The following ZNF746 variants were observed in gnomAD, a reference collection of about 807,000 sequenced individuals.
ZNF746 encodes the protein zinc finger protein 746.
Under a neutral mutation model 41.0 loss-of-function variants are expected in ZNF746, and 13 were observed. The ratio of observed to expected loss-of-function variants is 0.32; its 90% CI spans 0.21 to 0.50. ZNF746 has a LOEUF of 0.50. ZNF746 is among the 20% of genes least tolerant of loss of function. The pLI, the probability that ZNF746 is intolerant of heterozygous loss-of-function variation, is 0.98. For missense variants in ZNF746, 811 were observed against 922.9 expected, an observed-to-expected ratio of 0.88 and a Z score of 1.57; for synonymous variants, 424 against 396.2, an observed-to-expected ratio of 1.07 and a Z score of -0.83.
chr7:149,475,897 G>A (rs1478740222), intron 6 of ZNF746, among the ~76,000 whole-genome samples: 1 of 152,226 alleles, frequency 6.6e-6, no homozygotes, highest in Admixed American at 6.5e-5. Context: ...ATCTGTGAAT[G>A]CCCACTTCAC....
chr7:149,491,705 C>T, intron 4 of ZNF746: 1 of 588,626 alleles, frequency 1.7e-6, no homozygotes, highest in Admixed American at 2.9e-5. Flanking sequence ...AAGTGGCGCA[C>T]AGGAGGGCCT....
At chr7:149,483,226 T>C (rs1800530843) in intron 4 of ZNF746, among the ~76,000 whole-genome samples, 1 of 152,200 alleles carries the variant, frequency 6.6e-6, no homozygotes, top group African/African-American at 2.4e-5. Flanking sequence ...TGGAACCCAA[T>C]ATTAATGAAA....
At position 149,493,997 on chromosome 7, in the gene ZNF746, A is replaced by G. The variant is rs1434298649; in HGVS notation, c.443T>C (p.Val148Ala). Residue 148 changes from valine (V) to alanine (A), a missense_variant, in exon 3 of 7, where the codon GTC becomes GCC. Around this residue, in one of 4 missense-constraint regions of ZNF746, gnomAD observed 147 missense variants for 233.4 expected, o/e 0.63. Transcript: ENST00000458143. ...TGAGTGTCAGGCCTTACCCAGGGAG[A>G]CCAGCGTCTCGTAGTTGCCCCTCAT... ...HVMRGNYETL[V>A]SLDYAISKPE... is the part of the protein sequence containing the mutation. The G allele has an allele frequency of 1.2e-6, 2 of 1,614,038 alleles. No individual in the cohort carries two copies. Among genetic ancestry groups the G allele is most frequent in the Admixed American group, 1.7e-5 (1 of 60,002 alleles).
chr7:149,485,005 A>G (rs1305846905), intron 4 of ZNF746, among the ~76,000 whole-genome samples: 1 of 152,136 alleles, frequency 6.6e-6, no homozygotes, highest in East Asian at 1.9e-4. Flanking sequence ...TCAGGGCATA[A>G]TTCTGCATAA....
rs1048041295 is a variant in ZNF746 at position 149,497,569 on chromosome 7, G to A, written c.-33C>T. 6 of 1,052,528 alleles carry A rather than the reference G, an allele frequency of 5.7e-6. No individual in the cohort carries two copies. Among genetic ancestry groups the A allele is most frequent in the Middle Eastern group, 4.4e-4 (1 of 2,280 alleles). The allele number at this position is 1,052,528 out of a possible 1,614,324, so 65.2% of individuals were successfully genotyped here. On this transcript the variant is annotated 5_prime_UTR_variant, in exon 1 of 7. Coordinates refer to ENST00000458143, the MANE Select transcript of ZNF746 (RefSeq NM_001394198.1). This position sits in a 1 kb window ranked among gnomAD's most constrained non-coding sequence, Gnocchi z 4.2. ...CGCTGTCCCGCCCGGCCCGGAGGAA[G>A]TCGTCGTCGCCGCCGCCGCGCGCGG...
chr7:149,489,492 A>G (rs1262959358), intron 4 of ZNF746: 1 of 152,322 alleles, frequency 6.6e-6, no homozygotes, highest in African/African-American at 2.4e-5. Flanking sequence ...CCAAAGCAGG[A>G]AAGTAGGCCT....
At chr7:149,495,446 C>T (rs1449142735) in intron 1 of ZNF746, among the ~76,000 whole-genome samples, 1 of 152,134 alleles carries the variant, frequency 6.6e-6, no homozygotes, top group Admixed American at 6.5e-5. Context: ...GTTCACATGG[C>T]GTATCAGTGA....
rs150973028 is a variant in ZNF746, at chr7:149,492,570, C to T, written c.565+289G>A. On this transcript the variant is annotated intron_variant, in intron 4 of 6. Transcript: ENST00000458143. Reference sequence around the variant, plus strand: ...CGTTAAGGGTCAACTATGCTCCTGCCTTCCCTCTCAGCGTTCTCCTCTCCC... The same window carrying T: ...CGTTAAGGGTCAACTATGCTCCTGCTTTCCCTCTCAGCGTTCTCCTCTCCC... 9.0e-4 allele frequency among the ~76,000 whole-genome samples: 137 copies of T among 152,316 alleles called. 2 individuals carry two copies. Among genetic ancestry groups the T allele is most frequent in the African/African-American group, 3.1e-3 (130 of 41,576 alleles).
intron 6 of ZNF746, 129 bp downstream of exon 6, chr7:149,476,793 G>C (rs1350067898): frequency 1.6e-6 from 2 of 1,262,840 alleles, no homozygotes; most frequent in African/African-American, 2.9e-5. Context: ...AGGGTCATAA[G>C]AGTGCAGACA....
chr7:149,480,122 A>C (rs1173361849), intron 4 of ZNF746, among the ~76,000 whole-genome samples: 1 of 152,222 alleles, frequency 6.6e-6, no homozygotes, highest in African/African-American at 2.4e-5. Context: ...TGAGGAACAC[A>C]CACACATTCT....
chr7:149,475,823 G>A (rs1292658440), intron 6 of ZNF746, among the ~76,000 whole-genome samples: 2 of 152,212 alleles, frequency 1.3e-5, no homozygotes, highest in South Asian at 2.1e-4. Context: ...TGCAGGGAAT[G>A]GGGGTTCAGA....
chr7:149,474,113 A>T lies in ZNF746; in HGVS notation c.*271T>A. On this transcript the variant is annotated 3_prime_UTR_variant, in exon 7 of 7. Transcript: ENST00000458143. The surrounding 1 kb of genome is among the most constrained non-coding windows in gnomAD (Gnocchi z 6.3). Reference sequence around the variant, plus strand: ...TTTTCCAGCTTTTTCCTCAAGAATTAAAAAAAAACAAAAAACAAAAAACAA... The same window carrying T: ...TTTTCCAGCTTTTTCCTCAAGAATTTAAAAAAAACAAAAAACAAAAAACAA... 2.2e-6 allele frequency: 1 copy of T among 462,368 alleles called. No homozygotes were observed. Among genetic ancestry groups the T allele is most frequent in the East Asian group, 4.0e-5 (1 of 24,912 alleles). The allele number at this position is 462,368 out of a possible 1,614,324, so 28.6% of individuals were successfully genotyped here. A position where few individuals can be genotyped will look rare whatever the true frequency, so the allele number is the denominator to read the frequency against.
rs1156311487 is a variant in ZNF746, at chr7:149,497,604, G to A, written c.-68C>T. On this transcript the variant is annotated 5_prime_UTR_variant, in exon 1 of 7. Transcript: ENST00000458143. The surrounding 1 kb of genome is among the most constrained non-coding windows in gnomAD (Gnocchi z 4.2). ...CCGCCGCCGCGCGCGGCACCACGCA[G>A]GCCCGGCCGCCCGGTGCTCTCCGCA... is the stretch of plus-strand genomic sequence containing the variant. 1.1e-5 allele frequency: 11 copies of A among 1,020,752 alleles called. No homozygotes were observed. In the East Asian group the frequency reaches 4.6e-4, roughly 43 times the overall value. The allele number at this position is 1,020,752 out of a possible 1,614,324, so 63.2% of individuals were successfully genotyped here.
intron 4 of ZNF746, among the ~76,000 whole-genome samples, chr7:149,485,151 TAAAAAA>T: frequency 7.4e-6 from 1 of 135,986 alleles, no homozygotes; most frequent in Middle Eastern, 3.7e-3. Flanking sequence ...AAAAGTGATT[TAAAAAA>T]AAAAAAAAAA....
intron 4 of ZNF746, among the ~76,000 whole-genome samples, chr7:149,485,048 A>G (rs780243210): frequency 5.3e-5 from 8 of 151,978 alleles, no homozygotes; most frequent in Non-Finnish European, 1.2e-4. Flanking sequence ...CTCTTGTGAT[A>G]GGAGAAAAAG....
intron 1 of ZNF746, among the ~76,000 whole-genome samples, chr7:149,496,632 G>C (rs1029626680): frequency 1.3e-5 from 2 of 152,044 alleles, no homozygotes; most frequent in African/African-American, 4.8e-5. Flanking sequence ...CTCCCTCCCT[G>C]AAAGCACCAC....
In ZNF746 at chr7:149,477,706, C is replaced by G. The variant is rs1438276637; in HGVS notation, c.615G>C (p.Gln205His). The G allele has an allele frequency of 3.7e-6, 6 of 1,613,660 alleles. No individual in the cohort carries two copies. The highest frequency in any genetic ancestry group is 5.1e-6 in the Non-Finnish European group (6 of 1,179,750). Residue 205 changes from glutamine to histidine, a missense_variant, in exon 5 of 7, where the codon CAG becomes CAC. Transcript: ENST00000458143. The part of the protein sequence containing the change: ...PAPDLLMQIK[Q>H]EGELQLQEQQ... The stretch of plus-strand genomic sequence containing the variant: ...GCTCCTGGAGCTGGAGCTCACCCTC[C>G]TGCTTGATCTGCATCAAGAGGTCTG...
chr7:149,477,413 G>C, intron 5 of ZNF746, 151 bp downstream of exon 5: 1 of 909,076 alleles, frequency 1.1e-6, no homozygotes, highest in Non-Finnish European at 1.6e-6. Flanking sequence ...AAGTCCTTTA[G>C]TACAGTCCTA....
In ZNF746 at chr7:149,477,730, T is replaced by A; in HGVS notation, c.591A>T (p.Pro197=). Reference sequence around the variant, plus strand: ...CCTGCTTGATCTGCATCAAGAGGTCTGGGGCGGGAACTGGGGGCCCCGAGC... The same window carrying A: ...CCTGCTTGATCTGCATCAAGAGGTCAGGGGCGGGAACTGGGGGCCCCGAGC... ...SPGSGPPVPA[P]DLLMQIKQEG... Residue 197 remains proline, a synonymous_variant, in exon 5 of 7, where the codon CCA becomes CCT. Transcript: ENST00000458143. The A allele has an allele frequency of 6.2e-7, 1 of 1,609,526 alleles. No individual in the cohort carries two copies. The highest frequency in any genetic ancestry group is 8.5e-7 in the Non-Finnish European group (1 of 1,176,794).
Sources: allele counts gnomAD v4.1 joint callset (sites outside exome capture counted in the v4.1 genomes callset), GRCh38; gene constraint gnomAD v4.1.1; regional missense constraint gnomAD v4.1.1; non-coding constraint Gnocchi (gnomAD v3.1); transcripts MANE v1.5; gene names NCBI Gene and HGNC (gene_info 2026-07-23, HGNC 2026-07-21).